The following B4GALNT2 variants were observed in gnomAD, a reference collection of about 807,000 sequenced individuals.
B4GALNT2 encodes the protein N-acetylneuraminylgalactosylglucosyl-glucoside beta-1,4-N- acetylgalactosaminyltransferase 2.
B4GALNT2 carries 42 observed loss-of-function variants against 51.1 expected under a neutral mutation model. That is an observed-to-expected ratio of 0.82 (90% CI 0.64 to 1.06). The LOEUF is 1.06. Ranked by LOEUF, B4GALNT2 falls within the 50% of genes least tolerant of loss-of-function variation. The pLI is 0.00. For missense variants in B4GALNT2, 602 were observed against 633.6 expected (o/e 0.95, Z 0.54); for synonymous variants, 253 against 251.7 (o/e 1.01, Z -0.05).
intron 4 of B4GALNT2, among the ~76,000 whole-genome samples, chr17:49,154,083 A>C (rs1391332287): frequency 6.6e-6 from 1 of 151,152 alleles, no homozygotes. Context: ...GGCTCACTGC[A>C]ACCTCCTCCT....
chr17:49,133,890 C>T (rs931483172), intron 1 of B4GALNT2, among the ~76,000 whole-genome samples: 2 of 152,008 alleles, frequency 1.3e-5, no homozygotes, highest in African/African-American at 4.8e-5. Flanking sequence ...CCAGCCTGGG[C>T]GACAGAGGGA....
chr17:49,160,722 C>T lies in B4GALNT2; in HGVS notation c.766+81C>T, dbSNP rs540732540. On this transcript the variant is annotated intron_variant, in intron 7 of 10. Coordinates refer to ENST00000393354, the MANE Select transcript of B4GALNT2 (RefSeq NM_001159387.2). ...AATTCAGAAGGGATCACCTCTGAGA[C>T]GGAGGAGAATTGATCAAAATGACAG... 2.4e-5 allele frequency: 32 copies of T among 1,311,084 alleles called. No individual in the cohort carries two copies. In the African/African-American group the frequency reaches 3.3e-4, roughly 14 times the overall value. 81.2% of individuals were successfully genotyped at this position (1,311,084 alleles called of 1,614,324 possible).
rs759824201 is a variant in B4GALNT2 at position 49,169,815 on chromosome 17, C to T, written c.*87C>T. On this transcript the variant is annotated 3_prime_UTR_variant, in exon 11 of 11. Coordinates refer to ENST00000393354, the MANE Select transcript of B4GALNT2 (RefSeq NM_001159387.2). Reference sequence around the variant, plus strand: ...AAAAACTGGACTCCTGATAGGTGAACGTTGTACCAAACCAGCTGGTGGGTA... The same window carrying T: ...AAAAACTGGACTCCTGATAGGTGAATGTTGTACCAAACCAGCTGGTGGGTA... The T allele has an allele frequency of 1.1e-5, 14 of 1,284,402 alleles. No homozygotes were observed. The highest frequency in any genetic ancestry group is 1.5e-5 in the African/African-American group (1 of 66,684). 79.6% of individuals were successfully genotyped at this position (1,284,402 alleles called of 1,614,324 possible). A position where few individuals can be genotyped will look rare whatever the true frequency, so the allele number is the denominator to read the frequency against.
rs752552356 is a variant in B4GALNT2, at chr17:49,160,603, G to A, written c.728G>A (p.Arg243His). ...GTGGCCAAGTTTCCAGTGACCATCCGCCATCCTGTCATACCCAAGCTATAC... is the reference window on the plus strand; with the variant it reads ...GTGGCCAAGTTTCCAGTGACCATCCACCATCCTGTCATACCCAAGCTATAC... ...SSVAKFPVTI[R>H]HPVIPKLYDP... Residue 243 changes from arginine to histidine, a missense_variant, in exon 7 of 11, where the codon CGC becomes CAC. Physicochemically the swap from Arg to His is conservative, Grantham distance 29 (BLOSUM62 0). Coordinates refer to ENST00000393354, the MANE Select transcript of B4GALNT2 (RefSeq NM_001159387.2). The A allele has an allele frequency of 4.2e-5, 68 of 1,613,946 alleles. No homozygotes were observed. The highest frequency in any genetic ancestry group is 5.3e-5 in the Non-Finnish European group (62 of 1,180,016).
chr17:49,154,938 G>A (rs775169902), intron 4 of B4GALNT2, among the ~76,000 whole-genome samples: 2 of 152,120 alleles, frequency 1.3e-5, no homozygotes, highest in Non-Finnish European at 2.9e-5. Flanking sequence ...TGCATTTGGG[G>A]TCAAGCACTA....
chr17:49,124,501 A>T, the B4GALNT2 span, among the ~76,000 whole-genome samples: 1 of 152,252 alleles, frequency 6.6e-6, no homozygotes, highest in South Asian at 2.1e-4. Flanking sequence ...CATAACAATT[A>T]TAATTACTAC....
Position 49,168,846 on chromosome 17 carries a change from GAGCGACT to G in B4GALNT2, c.1262_1268del (p.Glu421AlafsTer23). 6.2e-7 allele frequency: 1 copy of G among 1,613,574 alleles called. No homozygotes were observed. Among genetic ancestry groups the G allele is most frequent in the Middle Eastern group, 1.8e-4 (1 of 5,586 alleles). The stretch of plus-strand genomic sequence containing the variant: ...GGTCAACTTCTTCCTGGCCCACACG[GAGCGACT>G]CCAAAGAGTTGGCTTTGATCCCCGC... On this transcript the variant is annotated frameshift_variant, in exon 10 of 11. Coordinates refer to ENST00000393354, the MANE Select transcript of B4GALNT2 (RefSeq NM_001159387.2). LOFTEE classifies it high-confidence loss of function.
chr17:49,169,786 C>T lies in B4GALNT2; in HGVS notation c.*58C>T. 1 of 1,446,448 alleles carries T rather than the reference C, an allele frequency of 6.9e-7. No homozygotes were observed. The highest frequency in any genetic ancestry group is 1.5e-5 in the South Asian group (1 of 68,794). The allele number at this position is 1,446,448 out of a possible 1,614,324, so 89.6% of individuals were successfully genotyped here. On this transcript the variant is annotated 3_prime_UTR_variant, in exon 11 of 11. Transcript: ENST00000393354. Reference sequence around the variant, plus strand: ...GCTGGTTATGGTATCTATAGCAGGCCACCAAAAACTGGACTCCTGATAGGT... The same window carrying T: ...GCTGGTTATGGTATCTATAGCAGGCTACCAAAAACTGGACTCCTGATAGGT...
At chr17:49,140,856 C>G (rs2042637237) in intron 1 of B4GALNT2, among the ~76,000 whole-genome samples, 1 of 151,738 alleles carries the variant, frequency 6.6e-6, no homozygotes, top group Admixed American at 6.6e-5. Flanking sequence ...GTAGCTGGCA[C>G]TACAGGCACA....
chr17:49,133,827 G>C (rs541642776), intron 1 of B4GALNT2, among the ~76,000 whole-genome samples: 50 of 152,164 alleles, frequency 3.3e-4, no homozygotes, highest in African/African-American at 1.2e-3. Context: ...GCAGGAGAAT[G>C]ACTTGAACCT....
intron 8 of B4GALNT2, 130 bp downstream of exon 8, chr17:49,164,405 G>T: frequency 2.6e-6 from 2 of 767,940 alleles, no homozygotes; most frequent in Non-Finnish European, 4.2e-6. Flanking sequence ...GTGGGAGTGG[G>T]TGAGGGCTGT....
chr17:49,122,213 C>A, the B4GALNT2 span, among the ~76,000 whole-genome samples: 1 of 152,150 alleles, frequency 6.6e-6, no homozygotes, highest in Non-Finnish European at 1.5e-5. Flanking sequence ...AGCCATTAGG[C>A]TGATGCCCTT....
chr17:49,142,041 C>T lies in B4GALNT2; in HGVS notation c.222C>T (p.Phe74=). 6.2e-7 allele frequency: 1 copy of T among 1,613,988 alleles called. No homozygotes were observed. The highest frequency in any genetic ancestry group is 8.5e-7 in the Non-Finnish European group (1 of 1,179,978). The change falls in exon 3 of 11, where the codon TTC becomes TTT. Residue 74 remains phenylalanine, a synonymous_variant. Coordinates refer to ENST00000393354, the MANE Select transcript of B4GALNT2 (RefSeq NM_001159387.2). The stretch of plus-strand genomic sequence containing the variant: ...GTCCTCTTGCTTGTTTCAGGCTGTT[C>T]CCGAAAAATCAGTGCAAATGTGAAG... ...NLFSYDGIWL[F]PKNQCKCEAN...
chr17:49,170,849 A>C lies in B4GALNT2; in HGVS notation c.*1121A>C, dbSNP rs935844309. 1 of 152,474 alleles carries C rather than the reference A, an allele frequency of 6.6e-6. No homozygotes were observed. Among genetic ancestry groups the C allele is most frequent in the Non-Finnish European group, 1.5e-5 (1 of 68,198 alleles). 9.4% of individuals were successfully genotyped at this position (152,474 alleles called of 1,614,324 possible). On this transcript the variant is annotated 3_prime_UTR_variant, in exon 11 of 11. Transcript: ENST00000393354. ...GTTTCTATAGATTATAGATAAACTAAAAGTATTCCTTACAGGAAACAAAGG... is the reference window on the plus strand; with the variant it reads ...GTTTCTATAGATTATAGATAAACTACAAGTATTCCTTACAGGAAACAAAGG...
intron 6 of B4GALNT2, among the ~76,000 whole-genome samples, chr17:49,159,484 G>A (rs530990387): frequency 6.6e-6 from 1 of 152,266 alleles, no homozygotes; most frequent in Admixed American, 6.5e-5. Context: ...TGGGATTACA[G>A]GCACCTGCCA....
intron 7 of B4GALNT2, among the ~76,000 whole-genome samples, chr17:49,163,335 C>G (rs896460398): frequency 6.6e-6 from 1 of 152,140 alleles, no homozygotes; most frequent in Admixed American, 6.5e-5. Flanking sequence ...AAGCTTTTCT[C>G]TAGGAGTTGC....
At chr17:49,164,333 C>G in intron 8 of B4GALNT2, 58 bp downstream of exon 8, 1 of 1,492,136 alleles carries the variant, frequency 6.7e-7, no homozygotes, top group South Asian at 1.1e-5. Flanking sequence ...GCCCCAGGGT[C>G]AGGTTCTACC....
At chr17:49,166,027 C>A in intron 8 of B4GALNT2, 87 bp from the exon 9 acceptor site, 1 of 1,452,166 alleles carries the variant, frequency 6.9e-7, no homozygotes. Context: ...GTGCATGCAG[C>A]CTGGCTGTTG....
the B4GALNT2 span, among the ~76,000 whole-genome samples, chr17:49,120,368 G>A: frequency 6.6e-6 from 1 of 152,190 alleles, no homozygotes; most frequent in Non-Finnish European, 1.5e-5. Context: ...CTCTGACCTA[G>A]TCTGGTGGCT....
Sources: gnomAD v4.1 joint callset for allele counts (sites outside exome capture counted in the v4.1 genomes callset) on GRCh38, gnomAD v4.1.1 for gene constraint, MANE v1.5 for transcripts, NCBI Gene and HGNC (gene_info 2026-07-23, HGNC 2026-07-21) for gene names.